CNN3: variants seen among roughly 807,000 people sequenced by gnomAD.
The protein encoded by CNN3 is calponin-3.
Under a neutral mutation model 39.0 loss-of-function variants are expected in CNN3, and 11 were observed. That is an observed-to-expected ratio of 0.28 (90% CI 0.18 to 0.47). CNN3 has a LOEUF of 0.47. Among genes scored for constraint, CNN3 ranks in the 20% least tolerant of loss-of-function variants. The probability of loss-of-function intolerance (pLI) is 0.99; values close to 1 mark genes in which losing one functional copy is unlikely to be tolerated. For synonymous variants in CNN3, 101 were observed against 138.3 expected (o/e 0.73, Z 1.89); for missense variants, 266 against 403.4 (o/e 0.66, Z 2.92).
chr1:94,922,879 C>CAAG (rs1671482324), intron 1 of CNN3, among the ~76,000 whole-genome samples: 1 of 152,180 alleles, frequency 6.6e-6, no homozygotes, highest in Admixed American at 6.5e-5. Context: ...ATTTTGTAAT[C>CAAG]AAGAAGATCC....
intron 1 of CNN3, among the ~76,000 whole-genome samples, chr1:94,906,221 G>T (rs773909928): frequency 2.0e-5 from 3 of 151,538 alleles, no homozygotes; most frequent in Non-Finnish European, 4.4e-5. Context: ...GACCTCAGGT[G>T]ATCCGCCTGC....
rs1267950887 is a variant in CNN3, at chr1:94,901,782, T to C, written c.388A>G (p.Lys130Glu). ...ATGGTTGTATGGAATCCTTTTGTTT[T>C]AGCCTAGACAGAAACATGCACACTA... ...TTLVALAGLA[K>E]TKGFHTTIDI... Residue 130 changes from lysine to glutamate, a missense_variant, in exon 5 of 7, where the codon AAA becomes GAA. Coordinates refer to ENST00000370206, the MANE Select transcript of CNN3 (RefSeq NM_001839.5). The C allele has an allele frequency of 6.2e-7, 1 of 1,608,232 alleles. No homozygotes were observed. The highest frequency in any genetic ancestry group is 2.2e-5 in the East Asian group (1 of 44,854).
At chr1:94,921,567 CACTA>C (rs1671445225) in intron 1 of CNN3, among the ~76,000 whole-genome samples, 1 of 152,036 alleles carries the variant, frequency 6.6e-6, no homozygotes, top group Non-Finnish European at 1.5e-5. Context: ...AGGCAGGAAA[CACTA>C]ACCCTCATGT....
chr1:94,900,052 G>A (rs1188152778), intron 5 of CNN3, among the ~76,000 whole-genome samples: 2 of 152,140 alleles, frequency 1.3e-5, no homozygotes, highest in Non-Finnish European at 2.9e-5. Flanking sequence ...GGACAGAGCT[G>A]GAGAAAGGTG....
At chr1:94,913,093 A>G (rs1393903982) in intron 1 of CNN3, among the ~76,000 whole-genome samples, 2 of 152,210 alleles carry the variant, frequency 1.3e-5, no homozygotes, top group East Asian at 1.9e-4. Flanking sequence ...TCTTACGTTA[A>G]TACACAGTTT....
rs779040984 is a variant in CNN3, at chr1:94,902,174, C to G, written c.331G>C (p.Glu111Gln). 1 of 1,613,718 alleles carries G rather than the reference C, an allele frequency of 6.2e-7. No individual in the cohort carries two copies. The highest frequency in any genetic ancestry group is 1.7e-5 in the Admixed American group (1 of 60,020). The change falls in exon 4 of 7, where the codon GAG (glutamate) becomes CAG (glutamine). Residue 111 changes from glutamate (E) to glutamine (Q), a missense_variant. Physicochemically the swap from Glu to Gln is conservative, Grantham distance 29. Coordinates refer to ENST00000370206, the MANE Select transcript of CNN3 (RefSeq NM_001839.5). ...HDIFEANDLFENGNMTQVQTT... is the reference protein window; with the variant it reads ...HDIFEANDLFQNGNMTQVQTT... ...TGAACCTGGGTCATGTTTCCATTCT[C>G]AAAAAGATCATTTGCTTCGAATATG...
intron 1 of CNN3, among the ~76,000 whole-genome samples, chr1:94,920,626 A>G (rs1476601235): frequency 6.6e-6 from 1 of 152,166 alleles, no homozygotes; most frequent in African/African-American, 2.4e-5. Flanking sequence ...CATACAAGAC[A>G]GGCAGGTTAA....
At chr1:94,903,589 A>G (rs1670923505) in intron 1 of CNN3, 65 bp from the exon 2 acceptor site, 1 of 1,601,494 alleles carries the variant, frequency 6.2e-7, no homozygotes. Context: ...CCGACTCACA[A>G]CGCGCTCTGC....
intron 1 of CNN3, among the ~76,000 whole-genome samples, chr1:94,913,639 C>T (rs1423832880): frequency 1.3e-5 from 2 of 152,162 alleles, no homozygotes; most frequent in Non-Finnish European, 2.9e-5. Context: ...ATTAGAAAAA[C>T]CATATATAGC....
chr1:94,921,297 A>G (rs9432618), intron 1 of CNN3, among the ~76,000 whole-genome samples: 48,795 of 152,044 alleles, frequency 0.32, 8,223 homozygotes, highest in Non-Finnish European at 0.37. Flanking sequence ...CGGGAGGCTA[A>G]GCCAGGAGAA....
At chr1:94,917,171 G>A (rs1024896941) in intron 1 of CNN3, among the ~76,000 whole-genome samples, 4 of 152,126 alleles carry the variant, frequency 2.6e-5, no homozygotes, top group African/African-American at 9.7e-5. Context: ...TGAGGAGCTG[G>A]GATTACAGGC....
chr1:94,908,348 G>A (rs986957178), intron 1 of CNN3, among the ~76,000 whole-genome samples: 3 of 152,140 alleles, frequency 2.0e-5, no homozygotes, highest in African/African-American at 7.2e-5. Context: ...TGGGTCCAGG[G>A]CTCATCCTGT....
intron 1 of CNN3, among the ~76,000 whole-genome samples, chr1:94,923,932 T>TCTGTGA (rs1671512280): frequency 6.6e-6 from 1 of 152,102 alleles, no homozygotes; most frequent in African/African-American, 2.4e-5. Flanking sequence ...GTCAAGTAGC[T>TCTGTGA]AGCCCAGCAT....
intron 1 of CNN3, among the ~76,000 whole-genome samples, chr1:94,908,022 T>C (rs75979252): frequency 0.011 from 1,731 of 152,340 alleles, 28 homozygotes; most frequent in African/African-American, 0.04. Flanking sequence ...TCTCTTTATA[T>C]GCCCACCTTC....
At chr1:94,916,052 T>C (rs1671271550) in intron 1 of CNN3, among the ~76,000 whole-genome samples, 1 of 152,140 alleles carries the variant, frequency 6.6e-6, no homozygotes, top group East Asian at 1.9e-4. Flanking sequence ...CTGTCTTCCC[T>C]GAAATGGCAA....
chr1:94,916,992 A>T (rs1671300918), intron 1 of CNN3, among the ~76,000 whole-genome samples: 1 of 152,140 alleles, frequency 6.6e-6, no homozygotes, highest in African/African-American at 2.4e-5. Flanking sequence ...AGCCATTTTG[A>T]TAAGATATCA....
At chr1:94,901,645 A>G (rs1241881924) in intron 5 of CNN3, 24 bp downstream of exon 5, 1 of 1,470,346 alleles carries the variant, frequency 6.8e-7, no homozygotes, top group Non-Finnish European at 9.5e-7. Flanking sequence ...TAAGTAATTG[A>G]ATAAGCAACA....
At chr1:94,910,430 A>C (rs859049) in intron 1 of CNN3, among the ~76,000 whole-genome samples, 150,805 of 152,300 alleles carry the variant, frequency 0.99, 74,690 homozygotes, top group Middle Eastern at 1. Flanking sequence ...ATGGGGGCTA[A>C]CATGGTCCCA....
Position 94,927,108 on chromosome 1 carries a change from G to T in CNN3, c.-214C>A, listed in dbSNP as rs1336154906. ...CTCGAGCTCCGCTGCGAAGCACCCG[G>T]CTGCCTCGCTCGCCGCCCGCACCTC... On this transcript the variant is annotated 5_prime_UTR_variant, in exon 1 of 7. Transcript: ENST00000370206. 2 of 477,482 alleles carry T rather than the reference G, an allele frequency of 4.2e-6. No homozygotes were observed. Among genetic ancestry groups the T allele is most frequent in the Non-Finnish European group, 7.3e-6 (2 of 273,442 alleles). 29.6% of individuals were successfully genotyped at this position (477,482 alleles called of 1,614,324 possible). A position where few individuals can be genotyped will look rare whatever the true frequency, so the allele number is the denominator to read the frequency against.
Sources: gnomAD v4.1 joint callset for allele counts (sites outside exome capture counted in the v4.1 genomes callset) on GRCh38, gnomAD v4.1.1 for gene constraint, MANE v1.5 for transcripts, NCBI Gene and HGNC (gene_info 2026-07-23, HGNC 2026-07-21) for gene names.